The following BOD1L1 variants were observed in gnomAD, a reference collection of about 807,000 sequenced individuals.
BOD1L1 encodes the protein biorientation of chromosomes in cell division 1 like 1.
In BOD1L1, 86 loss-of-function variants were observed where a neutral mutation model predicts 240.7. The observed-to-expected ratio is 0.36, with a 90% CI of 0.30 to 0.43. BOD1L1 has a LOEUF of 0.43. Among genes scored for constraint, BOD1L1 ranks in the 20% least tolerant of loss-of-function variants. The probability of loss-of-function intolerance (pLI) is 1.00; values close to 1 mark genes in which losing one functional copy is unlikely to be tolerated. For missense variants in BOD1L1, 3,554 were observed against 3,643.5 expected (o/e 0.98, Z 0.63); for synonymous variants, 1,268 against 1,272.3 (o/e 1.00, Z 0.07).
In BOD1L1 at chr4:13,627,386, C is replaced by T; in HGVS notation, c.202G>A (p.Asp68Asn). Residue 68 changes from aspartate to asparagine, a missense_variant, in exon 1 of 26, where the codon GAC becomes AAC. Physicochemically the swap from Asp to Asn is conservative, Grantham distance 23 (BLOSUM62 1). This residue lies in a region of BOD1L1 where 161 missense variants were observed against 216.4 expected (regional missense o/e 0.74). Transcript: ENST00000040738. ...VNHLKSQGLFDQFRRDCLADV... is the reference protein window; with the variant it reads ...VNHLKSQGLFNQFRRDCLADV... The stretch of plus-strand genomic sequence containing the variant: ...GCCAGGCAGTCTCTGCGGAACTGGT[C>T]GAAGAGCCCCTGGCTCTTGAGGTGG... The T allele has an allele frequency of 7.2e-7, 1 of 1,380,336 alleles. No homozygotes were observed. Among genetic ancestry groups the T allele is most frequent in the South Asian group, 2.1e-5 (1 of 48,222 alleles). 85.5% of individuals were successfully genotyped at this position (1,380,336 alleles called of 1,614,324 possible).
chr4:13,602,882 T>C lies in BOD1L1; in HGVS notation c.4018A>G (p.Thr1340Ala). Reference sequence around the variant, plus strand: ...TCACCACCTTCTTTGCTGTCACTTGTCTTAAGGACTTCTGATTCCCTAACA... The same window carrying C: ...TCACCACCTTCTTTGCTGTCACTTGCCTTAAGGACTTCTGATTCCCTAACA... ...LTVRESEVLK[T>A]SDSKEGGEGF... Residue 1340 changes from threonine (T) to alanine (A), a missense_variant, in exon 10 of 26, where the codon ACA (threonine) becomes GCA (alanine). By Grantham distance (58) the Thr-to-Ala change is moderately conservative. Transcript: ENST00000040738. 1 of 1,614,042 alleles carries C rather than the reference T, an allele frequency of 6.2e-7. No homozygotes were observed. The highest frequency in any genetic ancestry group is 8.5e-7 in the Non-Finnish European group (1 of 1,179,894).
intron 11 of BOD1L1, among the ~76,000 whole-genome samples, chr4:13,596,800 G>A (rs1188902308): frequency 1.3e-5 from 2 of 152,154 alleles, no homozygotes; most frequent in Admixed American, 6.5e-5. Context: ...GAAATAGATG[G>A]ACTCATGTTA....
At chr4:13,610,737 T>C (rs551257276) in intron 6 of BOD1L1, among the ~76,000 whole-genome samples, 197 bp downstream of exon 6, 1 of 152,330 alleles carries the variant, frequency 6.6e-6, no homozygotes, top group South Asian at 2.1e-4. Flanking sequence ...ATAAGGGATA[T>C]TCACTTGTAT....
At chr4:13,586,220 T>C (rs775334690) in intron 17 of BOD1L1, among the ~76,000 whole-genome samples, 176 bp downstream of exon 17, 4 of 152,308 alleles carry the variant, frequency 2.6e-5, no homozygotes, top group African/African-American at 7.2e-5. Context: ...AGTGCAACAT[T>C]TGATTTTTGG....
At position 13,599,151 on chromosome 4, in the gene BOD1L1, T is replaced by C. The variant is rs1395104185; in HGVS notation, c.7749A>G (p.Thr2583=). 6.2e-7 allele frequency: 1 copy of C among 1,613,732 alleles called. No individual in the cohort carries two copies. The highest frequency in any genetic ancestry group is 8.5e-7 in the Non-Finnish European group (1 of 1,179,668). The change falls in exon 10 of 26, where the codon ACA becomes ACG. Residue 2583 remains threonine (T), a synonymous_variant. Coordinates refer to ENST00000040738, the MANE Select transcript of BOD1L1 (RefSeq NM_148894.3). ...CACTGTAAGTAGCTGGAGGGATCATTGTGTGGGAAGGAGCAATTTTTGATT... is the reference window on the plus strand; with the variant it reads ...CACTGTAAGTAGCTGGAGGGATCATCGTGTGGGAAGGAGCAATTTTTGATT... ...GQESKIAPSH[T]MIPPATYSVA... is the part of the protein sequence containing the mutation.
At chr4:13,580,137 T>C in intron 21 of BOD1L1, 164 bp from the exon 22 acceptor site, 2 of 573,250 alleles carry the variant, frequency 3.5e-6, no homozygotes, top group Admixed American at 3.3e-5. Context: ...CAAACATGGA[T>C]GCCTGAGCTT....
chr4:13,573,267 T>C (rs902817731), intron 25 of BOD1L1, among the ~76,000 whole-genome samples: 1 of 152,108 alleles, frequency 6.6e-6, no homozygotes, highest in Admixed American at 6.5e-5. Flanking sequence ...GTAAAAACTC[T>C]GAAAAAGGAA....
intron 15 of BOD1L1, among the ~76,000 whole-genome samples, chr4:13,588,514 C>T (rs895756142): frequency 7.9e-5 from 12 of 152,078 alleles, no homozygotes; most frequent in Admixed American, 6.6e-5. Flanking sequence ...GACTGTACAA[C>T]GTGGGCACTT....
intron 22 of BOD1L1, among the ~76,000 whole-genome samples, chr4:13,578,895 G>A (rs1445291581): frequency 6.6e-6 from 1 of 152,206 alleles, no homozygotes; most frequent in African/African-American, 2.4e-5. Context: ...TGACCTGTTT[G>A]TAGGGTGCAT....
chr4:13,576,477 A>T (rs1444049273), intron 25 of BOD1L1, among the ~76,000 whole-genome samples: 1 of 152,076 alleles, frequency 6.6e-6, no homozygotes, highest in African/African-American at 2.4e-5. Flanking sequence ...TCTGGGTTGA[A>T]TTAAGTATGC....
chr4:13,595,335 A>T (rs1426766906), intron 12 of BOD1L1, among the ~76,000 whole-genome samples: 1 of 152,202 alleles, frequency 6.6e-6, no homozygotes, highest in Non-Finnish European at 1.5e-5. Flanking sequence ...TCCTGCCTTT[A>T]TCCTTTCTGA....
chr4:13,608,443 C>T (rs1715891416), intron 8 of BOD1L1, 87 bp downstream of exon 8: 3 of 1,238,794 alleles, frequency 2.4e-6, no homozygotes, highest in African/African-American at 3.2e-5. Flanking sequence ...AACCAAAGTA[C>T]AACTCTTTAC....
chr4:13,575,228 GTTCT>G (rs1712611369), intron 25 of BOD1L1, among the ~76,000 whole-genome samples: 1 of 151,806 alleles, frequency 6.6e-6, no homozygotes, highest in Admixed American at 6.6e-5. Flanking sequence ...CCCGATTTTA[GTTCT>G]TTATGTAAAC....
rs1319561591 is a variant in BOD1L1 at position 13,569,702 on chromosome 4, G to C, written c.*309C>G. 1.0e-5 allele frequency: 2 copies of C among 195,530 alleles called. No individual in the cohort carries two copies. Among genetic ancestry groups the C allele is most frequent in the Non-Finnish European group, 2.1e-5 (2 of 97,220 alleles). The allele number at this position is 195,530 out of a possible 1,614,324, so 12.1% of individuals were successfully genotyped here. On this transcript the variant is annotated 3_prime_UTR_variant, in exon 26 of 26. Transcript: ENST00000040738. ...GCAGCCTGGCGTCTGATGGGCTGGA[G>C]GGGTTTGCATTCATGATGTGTCACA... is the stretch of plus-strand genomic sequence containing the variant.
intron 1 of BOD1L1, chr4:13,625,289 C>T (rs562054740): frequency 6.6e-6 from 1 of 152,258 alleles, no homozygotes; most frequent in South Asian, 2.1e-4. Flanking sequence ...TAGATTGATT[C>T]TCATGAAATT....
chr4:13,616,423 A>G (rs1005224800), intron 2 of BOD1L1, among the ~76,000 whole-genome samples: 3 of 152,258 alleles, frequency 2.0e-5, no homozygotes, highest in African/African-American at 7.2e-5. Flanking sequence ...ATCATATACA[A>G]GAGACAAAAG....
Position 13,603,466 on chromosome 4 carries a change from G to T in BOD1L1, c.3434C>A (p.Ser1145Tyr). The T allele has an allele frequency of 5.0e-6, 8 of 1,613,916 alleles. No individual in the cohort carries two copies. The highest frequency in any genetic ancestry group is 6.8e-6 in the Non-Finnish European group (8 of 1,179,878). Residue 1145 changes from serine to tyrosine, a missense_variant, in exon 10 of 26, where the codon TCT (serine) becomes TAT (tyrosine). Ser to Tyr is a moderately radical substitution (Grantham distance 144). Coordinates refer to ENST00000040738, the MANE Select transcript of BOD1L1 (RefSeq NM_148894.3). ...SKTQDNRNNN[S>Y]QQDIDSENMK... ...ATTTTCAGAGTCAATGTCTTGCTGA[G>T]AATTATTATTGCGGTTGTCTTGGGT...
chr4:13,604,303 C>T lies in BOD1L1; in HGVS notation c.2597G>A (p.Arg866Lys), dbSNP rs1188175126. Residue 866 changes from arginine (R) to lysine (K), a missense_variant, in exon 10 of 26, where the codon AGA (arginine) becomes AAA (lysine). Arg to Lys is a conservative substitution (Grantham distance 26, BLOSUM62 2). Around this residue, in one of 2 missense-constraint regions of BOD1L1, gnomAD observed 3,393 missense variants for 3,427.1 expected, o/e 0.99. Transcript: ENST00000040738. ...GSKQHGITLQ[R>K]RSESYSEDKC... is the part of the protein sequence containing the mutation. ...ATCTTCCGAATAACTTTCACTTCTT[C>T]TCTGTAATGTGATACCATGTTGCTT... 3.1e-6 allele frequency: 5 copies of T among 1,602,972 alleles called. 1 individual carries two copies. In the Admixed American group the frequency reaches 8.7e-5, roughly 28 times the overall value.
In BOD1L1 at chr4:13,599,856, T is replaced by C. The variant is rs1424226617; in HGVS notation, c.7044A>G (p.Glu2348=). Residue 2348 remains glutamate (E), a synonymous_variant, in exon 10 of 26, where the codon GAA becomes GAG. Coordinates refer to ENST00000040738, the MANE Select transcript of BOD1L1 (RefSeq NM_148894.3). ...GGTTGTCTGCAGTCAGCTGATTCTC[T>C]TCATGTCTGTCAATGCTGGCGGAAA... ...MPISASIDRH[E]ENQLTADNPE... is the part of the protein sequence containing the mutation. 2.5e-6 allele frequency: 4 copies of C among 1,614,002 alleles called. No individual in the cohort carries two copies. Among genetic ancestry groups the C allele is most frequent in the South Asian group, 2.2e-5 (2 of 91,068 alleles).
Sources: gnomAD v4.1 joint callset for allele counts (sites outside exome capture counted in the v4.1 genomes callset) on GRCh38, gnomAD v4.1.1 for gene constraint, gnomAD v4.1.1 regional missense constraint, MANE v1.5 for transcripts, NCBI Gene and HGNC (gene_info 2026-07-23, HGNC 2026-07-21) for gene names.